Variants in SCMH1 observed in about 807,000 individuals in gnomAD.
The protein encoded by SCMH1 is Scm polycomb group protein homolog 1, also known as polycomb protein SCMH1.
In SCMH1, 37 loss-of-function variants were observed where a neutral mutation model predicts 70.8. That is an observed-to-expected ratio of 0.52 (90% confidence interval 0.40 to 0.69). The LOEUF (loss-of-function observed/expected upper bound fraction) is 0.69, where lower values mean the gene tolerates loss of function less well. Ranked by LOEUF, SCMH1 falls within the 30% of genes least tolerant of loss-of-function variation. SCMH1 has a pLI of 0.00. For synonymous variants in SCMH1, 292 were observed against 307.4 expected (o/e 0.95, Z 0.52); for missense variants, 607 against 827.3 (o/e 0.73, Z 3.27).
At chr1:41,028,354 A>G in intron 14 of SCMH1, 35 bp from the exon 16 acceptor site, 1 of 1,610,834 alleles carries the variant, frequency 6.2e-7, no homozygotes, top group Non-Finnish European at 8.5e-7. Flanking sequence ...AGTGGAAGGG[A>G]GGCACCATCA....
intron 6 of SCMH1, among the ~76,000 whole-genome samples, chr1:41,126,706 A>G (rs906280439): frequency 1.3e-4 from 20 of 152,190 alleles, no homozygotes; most frequent in African/African-American, 4.6e-4. Flanking sequence ...TATCTTAGAA[A>G]TCACTCCATA....
At chr1:41,076,414 C>G (rs1571847739) in intron 8 of SCMH1, among the ~76,000 whole-genome samples, 1 of 152,082 alleles carries the variant, frequency 6.6e-6, no homozygotes, top group African/African-American at 2.4e-5. Context: ...AGACATCCTA[C>G]AAATAGTGAG....
chr1:41,178,262 T>C (rs1248407010), intron 2 of SCMH1, among the ~76,000 whole-genome samples: 1 of 152,110 alleles, frequency 6.6e-6, no homozygotes, highest in Non-Finnish European at 1.5e-5. Context: ...AAGGAACAAC[T>C]GGTACCAGCC....
At chr1:41,172,153 C>A (rs1226402612) in intron 2 of SCMH1, among the ~76,000 whole-genome samples, 3 of 149,628 alleles carry the variant, frequency 2.0e-5, no homozygotes, top group African/African-American at 7.4e-5. Context: ...CTACTGCACT[C>A]CAGCCTGGGC....
At chr1:41,051,331 G>A (rs562677074) in intron 10 of SCMH1, among the ~76,000 whole-genome samples, 1 of 152,260 alleles carries the variant, frequency 6.6e-6, no homozygotes, top group South Asian at 2.1e-4. Flanking sequence ...ATAATACTTG[G>A]TAACATAATA....
intron 1 of SCMH1, among the ~76,000 whole-genome samples, chr1:41,223,309 C>T (rs1271175074): frequency 6.6e-6 from 1 of 152,118 alleles, no homozygotes; most frequent in South Asian, 2.1e-4. Flanking sequence ...CAAACTGTGC[C>T]CAGGTAATGC....
At chr1:41,057,080 A>G (rs1246208923) in intron 10 of SCMH1, among the ~76,000 whole-genome samples, 1 of 151,286 alleles carries the variant, frequency 6.6e-6, no homozygotes, top group Non-Finnish European at 1.5e-5. Flanking sequence ...GAAATACCGC[A>G]CTCCAGGCCA....
chr1:41,162,871 A>G (rs935320933), intron 2 of SCMH1: 1 of 152,266 alleles, frequency 6.6e-6, no homozygotes, highest in Non-Finnish European at 1.5e-5. Context: ...CCATTGCTCA[A>G]TACAGCACCT....
At chr1:41,152,254 C>T (rs757051169) in intron 4 of SCMH1, among the ~76,000 whole-genome samples, 1 of 152,288 alleles carries the variant, frequency 6.6e-6, no homozygotes, top group African/African-American at 2.4e-5. Context: ...CACCTACCCC[C>T]GCTGCACCCC....
intron 2 of SCMH1, among the ~76,000 whole-genome samples, chr1:41,182,874 G>GTGAATCAGGTAACTGTCCC (rs1553168540): frequency 3.3e-5 from 5 of 152,162 alleles, no homozygotes; most frequent in African/African-American, 1.2e-4. Flanking sequence ...AAACTACTCA[G>GTGAATCAGGTAACTGTCCC]TGAATCAGGT....
At chr1:41,149,269 T>C (rs141638914) in intron 5 of SCMH1, among the ~76,000 whole-genome samples, 1 of 152,346 alleles carries the variant, frequency 6.6e-6, no homozygotes, top group East Asian at 1.9e-4. Flanking sequence ...ATAGTTTCTA[T>C]TGTTATGTTT....
chr1:41,131,079 T>C (rs1352184277), intron 6 of SCMH1, among the ~76,000 whole-genome samples: 1 of 152,214 alleles, frequency 6.6e-6, no homozygotes, highest in Non-Finnish European at 1.5e-5. Context: ...AATTTTTGTA[T>C]ATGGCATAGA....
At chr1:41,242,192 G>C (rs1024319676), upstream of SCMH1, 4 of 140,892 alleles carry the variant, frequency 2.8e-5, no homozygotes, top group African/African-American at 1.0e-4. The surrounding 1 kb of genome is among the most constrained non-coding windows in gnomAD (Gnocchi z 5.2). Flanking sequence ...GCGGCGGGGG[G>C]CTCCACCGAG....
chr1:41,165,868 T>C (rs1286306022), intron 2 of SCMH1, among the ~76,000 whole-genome samples: 1 of 152,102 alleles, frequency 6.6e-6, no homozygotes, highest in Non-Finnish European at 1.5e-5. Flanking sequence ...TTCTATGCAG[T>C]AGCTTTTCAC....
chr1:41,177,995 T>C (rs915944845), intron 2 of SCMH1, among the ~76,000 whole-genome samples: 12 of 152,232 alleles, frequency 7.9e-5, no homozygotes, highest in Non-Finnish European at 1.3e-4. Flanking sequence ...AGAGAAAGGT[T>C]GGGTTACCCA....
chr1:41,161,219 G>T, intron 3 of SCMH1, 145 bp downstream of exon 3: 1 of 1,294,496 alleles, frequency 7.7e-7, no homozygotes, highest in Non-Finnish European at 1.1e-6. Context: ...TATTGCTTAT[G>T]ACCAATACCT....
chr1:41,136,406 T>C (rs1477856568), intron 6 of SCMH1, among the ~76,000 whole-genome samples: 1 of 148,884 alleles, frequency 6.7e-6, no homozygotes, highest in Non-Finnish European at 1.5e-5. Flanking sequence ...TGAGACGGAG[T>C]CTCACTCTGT....
rs56909839 is a variant in SCMH1 at position 41,147,752 on chromosome 1, C to A, written c.177+3862G>T. On this transcript the variant is annotated intron_variant, in intron 5 of 14. Coordinates refer to ENST00000337495, the Ensembl canonical transcript of SCMH1. The stretch of plus-strand genomic sequence containing the variant: ...TTCTTTATCATTATAAAATTAACTT[C>A]CTTAACCCTGTTAATATTATTTGAA... Among the ~76,000 whole-genome samples, 1,172 of 152,188 alleles carry A rather than the reference C, an allele frequency of 7.7e-3. 20 individuals carry two copies. The highest frequency in any genetic ancestry group is 0.027 in the African/African-American group (1,128 of 41,558).
At chr1:41,107,493 T>C (rs1174566246) in intron 8 of SCMH1, among the ~76,000 whole-genome samples, 1 of 151,966 alleles carries the variant, frequency 6.6e-6, no homozygotes, top group East Asian at 1.9e-4. Context: ...GCCTCTATCC[T>C]AGTTTTTCTC....
Sources: gnomAD v4.1 joint callset for allele counts (sites outside exome capture counted in the v4.1 genomes callset) on GRCh38, gnomAD v4.1.1 for gene constraint, Gnocchi (gnomAD v3.1) non-coding constraint, MANE v1.5 for transcripts, NCBI Gene and HGNC (gene_info 2026-07-23, HGNC 2026-07-21) for gene names.